PDE6B: variants seen among roughly 807,000 people sequenced by gnomAD.
PDE6B encodes the protein phosphodiesterase 6B, also known as rod cGMP-specific 3',5'-cyclic phosphodiesterase subunit beta.
PDE6B carries 106 observed loss-of-function variants against 109.0 expected under a neutral mutation model. The ratio of observed to expected loss-of-function variants is 0.97; its 90% confidence interval spans 0.83 to 1.14. The LOEUF (loss-of-function observed/expected upper bound fraction) is 1.14. Among genes scored for constraint, PDE6B ranks in the 50% most tolerant of loss-of-function variants. The probability of loss-of-function intolerance (pLI) is 0.00; values close to 1 mark genes in which losing one functional copy is unlikely to be tolerated. For synonymous variants in PDE6B, 490 were observed against 471.3 expected, an observed-to-expected ratio of 1.04 and a Z score of -0.51; for missense variants, 1,193 against 1,155.6, an observed-to-expected ratio of 1.03 and a Z score of -0.47.
At position 667,892 on chromosome 4, in the gene PDE6B, T is replaced by C. The variant is rs1737980556; in HGVS notation, c.2389T>C (p.Phe797Leu). The C allele has an allele frequency of 6.2e-7, 1 of 1,613,444 alleles. No individual in the cohort carries two copies. The highest frequency in any genetic ancestry group is 1.7e-5 in the Admixed American group (1 of 59,990). The stretch of plus-strand genomic sequence containing the variant: ...TTTCCACGAAGAGATCCTGCCCATG[T>C]TCGACCGACTGCAGAACAATAGGAA... Reference protein sequence around the residue: ...SRFHEEILPMFDRLQNNRKEW... With the variant: ...SRFHEEILPMLDRLQNNRKEW... Residue 797 changes from phenylalanine to leucine, a missense_variant, in exon 21 of 22, where the codon TTC becomes CTC. By Grantham distance (22) the Phe-to-Leu change is conservative (BLOSUM62 0). Coordinates refer to ENST00000496514, the MANE Select transcript of PDE6B (RefSeq NM_000283.4).
At chr4:658,133 A>G (rs1319847203) in intron 10 of PDE6B, among the ~76,000 whole-genome samples, 65 of 93,866 alleles carry the variant, frequency 6.9e-4, no homozygotes, top group South Asian at 1.3e-3. Context: ...CAGGGGTCAC[A>G]GCTGTGCGGT....
rs758534668 is a variant in PDE6B, at chr4:658,983, C to T, written c.1433C>T (p.Ala478Val). The change falls in exon 11 of 22, where the codon GCT becomes GTT. Residue 478 changes from alanine to valine, a missense_variant. By Grantham distance (64) the Ala-to-Val change is moderately conservative. Coordinates refer to ENST00000496514, the MANE Select transcript of PDE6B (RefSeq NM_000283.4). ...PTRARLGKEP[A>V]DCDEDELGEI... ...AGAGCGCGCCTGGGGAAGGAGCCTG[C>T]TGACTGCGATGAGGACGAGCTGGGC... 1 of 1,613,472 alleles carries T rather than the reference C, an allele frequency of 6.2e-7. No homozygotes were observed. The highest frequency in any genetic ancestry group is 1.1e-5 in the South Asian group (1 of 91,078).
chr4:645,882 G>C (rs966324476), intron 3 of PDE6B, among the ~76,000 whole-genome samples: 15 of 151,932 alleles, frequency 9.9e-5, no homozygotes, highest in African/African-American at 3.2e-4. Context: ...CTTAGAGTGT[G>C]GCTATCTTAC....
chr4:669,925 C>A, intron 21 of PDE6B, 121 bp from the exon 22 acceptor site: 2 of 835,406 alleles, frequency 2.4e-6, no homozygotes, highest in Non-Finnish European at 4.2e-6. Context: ...GGGCTGGTCA[C>A]AGACCCAGGT....
At chr4:642,041 A>T (rs1028537523) in intron 3 of PDE6B, among the ~76,000 whole-genome samples, 1 of 152,210 alleles carries the variant, frequency 6.6e-6, no homozygotes, top group African/African-American at 2.4e-5. Context: ...ATCTATATAC[A>T]TTGTATTTCT....
At chr4:643,671 C>T (rs1735048425) in intron 3 of PDE6B, among the ~76,000 whole-genome samples, 1 of 151,974 alleles carries the variant, frequency 6.6e-6, no homozygotes, top group Non-Finnish European at 1.5e-5. Context: ...CAGTCTATTT[C>T]ATCTAAGTTA....
chr4:665,325 C>G lies in PDE6B; in HGVS notation c.2264C>G (p.Pro755Arg), dbSNP rs1339645006. ...DLERTVLDQQ[P>R]IPMMDRNKAA... Reference sequence around the variant, plus strand: ...GAAAGGACAGTCTTGGATCAGCAGCCCATTGTGAGTGCTGCTTCTGGAACC... The same window carrying G: ...GAAAGGACAGTCTTGGATCAGCAGCGCATTGTGAGTGCTGCTTCTGGAACC... Residue 755 changes from proline (P) to arginine (R), a missense_variant, in exon 19 of 22, where the codon CCC becomes CGC. Pro to Arg is a moderately radical substitution (Grantham distance 103, BLOSUM62 -2). Transcript: ENST00000496514. This position sits in a 1 kb window ranked among gnomAD's most constrained non-coding sequence, Gnocchi z 4.0. The G allele has an allele frequency of 3.1e-6, 5 of 1,605,842 alleles. No homozygotes were observed. The highest frequency in any genetic ancestry group is 1.7e-4 in the Middle Eastern group (1 of 6,060).
In PDE6B at chr4:667,000, C is replaced by T. The variant is rs942576483; in HGVS notation, c.2352+386C>T. On this transcript the variant is annotated intron_variant, in intron 20 of 21. Transcript: ENST00000496514. This position sits in a 1 kb window ranked among gnomAD's most constrained non-coding sequence, Gnocchi z 5.6. ...CATTTGTTCCATGTTTGTGAACCCT[C>T]GAGGCGGGGCTGGGTCGGCCTGTCT... 1.3e-5 allele frequency among the ~76,000 whole-genome samples: 2 copies of T among 152,208 alleles called. No individual in the cohort carries two copies. The highest frequency in any genetic ancestry group is 2.4e-5 in the African/African-American group (1 of 41,458).
Position 653,871 on chromosome 4 carries a change from A to G in PDE6B, c.731A>G (p.Asn244Ser). 2 of 1,613,780 alleles carry G rather than the reference A, an allele frequency of 1.2e-6. No individual in the cohort carries two copies. The highest frequency in any genetic ancestry group is 1.7e-6 in the Non-Finnish European group (2 of 1,180,018). ...CTCCAGGTGCTGCTGTGGTCGGCCA[A>G]CAAGGTGTTTGAGGAGCTGACGGAC... ...RRGQVLLWSANKVFEELTDIE... is the reference protein window; with the variant it reads ...RRGQVLLWSASKVFEELTDIE... The change falls in exon 4 of 22, where the codon AAC (asparagine) becomes AGC (serine). Residue 244 changes from asparagine (N) to serine (S), a missense_variant. Asn to Ser is a conservative substitution (Grantham distance 46). Transcript: ENST00000496514.
rs1039631998 is a variant in PDE6B at position 662,792 on chromosome 4, C to A, written c.1832+174C>A. ...ATTGCTTGAGCCCAGGAGTTCGAGA[C>A]CAGCCTGGGCAACATGGCAAGAGCT... On this transcript the variant is annotated intron_variant, in intron 14 of 21. Coordinates refer to ENST00000496514, the MANE Select transcript of PDE6B (RefSeq NM_000283.4). The surrounding 1 kb of genome is among the most constrained non-coding windows in gnomAD (Gnocchi z 4.3). 2.7e-5 allele frequency among the ~76,000 whole-genome samples: 4 copies of A among 149,818 alleles called. No homozygotes were observed. Among genetic ancestry groups the A allele is most frequent in the African/African-American group, 9.9e-5 (4 of 40,438 alleles).
chr4:644,493 T>A (rs944807513), intron 3 of PDE6B, among the ~76,000 whole-genome samples: 2 of 151,962 alleles, frequency 1.3e-5, no homozygotes, highest in Non-Finnish European at 2.9e-5. Context: ...ATTATAGATG[T>A]CAATTATGTC....
chr4:654,544 A>T, intron 5 of PDE6B: 1 of 597,904 alleles, frequency 1.7e-6, no homozygotes, highest in Non-Finnish European at 3.0e-6. Flanking sequence ...ACAGATGTAA[A>T]CCGCGGCGTG....
In PDE6B at chr4:663,002, CAAAA is replaced by C. The variant is rs969757264; in HGVS notation, c.1833-93_1833-90del. On this transcript the variant is annotated intron_variant, in intron 14 of 21. Transcript: ENST00000496514. The surrounding 1 kb of genome is among the most constrained non-coding windows in gnomAD (Gnocchi z 4.0). ...TGGGTGACAGAGGCAGACCCTGTCT[CAAAA>C]AAAAGAAAGTGGGGCCCATCTGGGG... The C allele has an allele frequency of 2.6e-6, 2 of 776,602 alleles. No individual in the cohort carries two copies. The highest frequency in any genetic ancestry group is 3.6e-5 in the Admixed American group (2 of 55,786). 48.1% of individuals were successfully genotyped at this position (776,602 alleles called of 1,614,324 possible).
Position 645,290 on chromosome 4 carries a change from ATT to A in PDE6B, c.712-8540_712-8539del, listed in dbSNP as rs530937075. On this transcript the variant is annotated intron_variant, in intron 3 of 21. Transcript: ENST00000496514. The stretch of plus-strand genomic sequence containing the variant: ...CAAGTGGTGTATTTAGGCTAGTCAC[ATT>A]TTTTTTTTTTTTTTTTTTTTTGAGA... 8.4e-3 allele frequency among the ~76,000 whole-genome samples: 993 copies of A among 117,648 alleles called. 7 individuals are homozygous for A. Among genetic ancestry groups the A allele is most frequent in the African/African-American group, 0.031 (945 of 30,412 alleles). The allele number at this position is 117,648 out of a possible 152,430, so 77.2% of individuals were successfully genotyped here.
chr4:632,134 G>T (rs894899477), intron 1 of PDE6B, among the ~76,000 whole-genome samples: 2 of 151,890 alleles, frequency 1.3e-5, no homozygotes, highest in African/African-American at 4.8e-5. Context: ...GGGTCATGTT[G>T]TGCTCTTTCC....
chr4:663,682 C>A lies in PDE6B; in HGVS notation c.1921-88C>A. The A allele has an allele frequency of 2.1e-6, 2 of 952,078 alleles. No individual in the cohort carries two copies. The highest frequency in any genetic ancestry group is 3.4e-6 in the Non-Finnish European group (2 of 592,616). The allele number at this position is 952,078 out of a possible 1,614,324, so 59.0% of individuals were successfully genotyped here. A position where few individuals can be genotyped will look rare whatever the true frequency, so the allele number is the denominator to read the frequency against. ...CCCGAGGGCGGGGGCGTGAGAGGCA[C>A]AGGCAGCCGAGGCGGAAGGGGCGGG... On this transcript the variant is annotated intron_variant, in intron 15 of 21. Transcript: ENST00000496514. The surrounding 1 kb of genome is among the most constrained non-coding windows in gnomAD (Gnocchi z 4.0).
Position 659,009 on chromosome 4 carries a change from G to A in PDE6B, c.1459G>A (p.Glu487Lys), listed in dbSNP as rs139369984. 17 of 1,612,808 alleles carry A rather than the reference G, an allele frequency of 1.1e-5. No individual in the cohort carries two copies. The East Asian group carries it at 1.6e-4, about 15-fold the overall frequency. The change falls in exon 11 of 22, where the codon GAA (glutamate) becomes AAA (lysine). Residue 487 changes from glutamate (E) to lysine (K), a missense_variant. By Grantham distance (56) the Glu-to-Lys change is moderately conservative. Coordinates refer to ENST00000496514, the MANE Select transcript of PDE6B (RefSeq NM_000283.4). ...TGACTGCGATGAGGACGAGCTGGGC[G>A]AAATCCTGGTAAGAACCTTGCTCCC... is the stretch of plus-strand genomic sequence containing the variant. ...PADCDEDELGEILKEELPGPT... is the reference protein window; with the variant it reads ...PADCDEDELGKILKEELPGPT...
chr4:635,325 G>A (rs1393193109), intron 2 of PDE6B, among the ~76,000 whole-genome samples: 2 of 129,892 alleles, frequency 1.5e-5, no homozygotes, highest in African/African-American at 3.2e-5. Flanking sequence ...GTTCTGTGCT[G>A]TGCGTCCACC....
At chr4:667,821 G>T in intron 20 of PDE6B, 35 bp from the exon 21 acceptor site, 1 of 1,606,948 alleles carries the variant, frequency 6.2e-7, no homozygotes, top group South Asian at 1.1e-5. Flanking sequence ...GAGCAGGCAG[G>T]ACAGGACTGG....
Sources: gnomAD v4.1 joint callset for allele counts (sites outside exome capture counted in the v4.1 genomes callset) on GRCh38, gnomAD v4.1.1 for gene constraint, Gnocchi (gnomAD v3.1) non-coding constraint, MANE v1.5 for transcripts, NCBI Gene and HGNC (gene_info 2026-07-23, HGNC 2026-07-21) for gene names.